The following MAF variants were observed in gnomAD, a reference collection of about 807,000 sequenced individuals.
The protein encoded by MAF is MAF bZIP transcription factor, also known as transcription factor Maf.
Under a neutral mutation model 22.0 loss-of-function variants are expected in MAF, and 10 were observed. The ratio of observed to expected loss-of-function variants is 0.45; its 90% CI spans 0.28 to 0.77. The LOEUF is 0.77. Ranked by LOEUF, MAF falls within the 30% of genes least tolerant of loss-of-function variation. MAF has a pLI of 0.12. For synonymous variants in MAF, 337 were observed against 255.8 expected (o/e 1.32, Z -3.03); for missense variants, 544 against 548.4 (o/e 0.99, Z 0.08).
chr16:79,313,430 T>C, the MAF span, among the ~76,000 whole-genome samples: 2 of 152,122 alleles, frequency 1.3e-5, no homozygotes, highest in African/African-American at 4.8e-5. Context: ...AGGTCCATGA[T>C]GTTGAGTTCC....
chr16:79,211,479 GCTATGCC>G, the MAF span: 1 of 1,193,754 alleles, frequency 8.4e-7, no homozygotes, highest in Non-Finnish European at 1.2e-6. Context: ...AGTACCCTTT[GCTATGCC>G]AAGATCCAGC....
At chr16:79,535,587 T>TTC in the MAF span, among the ~76,000 whole-genome samples, 70 of 5,858 alleles carry the variant, frequency 0.012, no homozygotes, top group Non-Finnish European at 0.031. Flanking sequence ...TTGCTTCTTC[T>TTC]TTTTTTTTTT....
chr16:79,290,108 C>T, the MAF span, among the ~76,000 whole-genome samples: 280 of 152,218 alleles, frequency 1.8e-3, 2 homozygotes, highest in Middle Eastern at 3.4e-3. Context: ...CCACCCACCT[C>T]GGCCTCCCAA....
the MAF span, among the ~76,000 whole-genome samples, chr16:79,494,548 A>G: frequency 4.3e-3 from 659 of 152,290 alleles, 3 homozygotes; most frequent in African/African-American, 0.015. Flanking sequence ...CAGAGAATCC[A>G]GGATAATCTC....
chr16:79,554,130 A>AACCAAC, the MAF span, among the ~76,000 whole-genome samples: 96 of 79,800 alleles, frequency 1.2e-3, 1 homozygote, highest in South Asian at 0.011. Flanking sequence ...AACAAACAAA[A>AACCAAC]CCACCAAACC....
chr16:79,513,045 T>C, the MAF span, among the ~76,000 whole-genome samples: 1 of 152,244 alleles, frequency 6.6e-6, no homozygotes, highest in Non-Finnish European at 1.5e-5. Context: ...CTTTTCCCAC[T>C]GTGCATAAAG....
the MAF span, among the ~76,000 whole-genome samples, chr16:79,304,082 T>C: frequency 6.6e-6 from 1 of 152,220 alleles, no homozygotes. Flanking sequence ...GGACCCAAGA[T>C]GCAATAACAA....
the MAF span, among the ~76,000 whole-genome samples, chr16:79,342,313 C>T: frequency 3.9e-5 from 6 of 152,184 alleles, no homozygotes; most frequent in South Asian, 2.1e-4. Flanking sequence ...TGCTCTCCAG[C>T]GTCTTTGGGG....
At chr16:79,381,009 C>T in the MAF span, among the ~76,000 whole-genome samples, 1 of 152,264 alleles carries the variant, frequency 6.6e-6, no homozygotes. Flanking sequence ...ATTAGAGCTG[C>T]ATCCTGGCAG....
At chr16:79,316,005 G>C in the MAF span, among the ~76,000 whole-genome samples, 2 of 152,222 alleles carry the variant, frequency 1.3e-5, no homozygotes, top group Non-Finnish European at 2.9e-5. Flanking sequence ...GCTGGTCCTT[G>C]CAAGGCAGAC....
chr16:79,319,106 T>G, the MAF span, among the ~76,000 whole-genome samples: 2 of 152,308 alleles, frequency 1.3e-5, no homozygotes, highest in African/African-American at 4.8e-5. Context: ...AGGCACACTT[T>G]CCCTAAATCC....
chr16:79,545,407 G>A, the MAF span, among the ~76,000 whole-genome samples: 1 of 152,110 alleles, frequency 6.6e-6, no homozygotes, highest in African/African-American at 2.4e-5. Context: ...AGAGATTCAA[G>A]GGGACAGCAG....
the MAF span, among the ~76,000 whole-genome samples, chr16:79,545,833 T>G: frequency 2.0e-5 from 3 of 152,152 alleles, no homozygotes; most frequent in African/African-American, 7.2e-5. Context: ...TTATACAACC[T>G]GGTCACTATA....
chr16:79,365,554 T>A, the MAF span, among the ~76,000 whole-genome samples: 1 of 149,358 alleles, frequency 6.7e-6, no homozygotes, highest in South Asian at 2.2e-4. Context: ...CTCTCGGAAA[T>A]GCTATTGGCC....
the MAF span, among the ~76,000 whole-genome samples, chr16:79,335,206 A>G: frequency 1.3e-5 from 2 of 151,772 alleles, no homozygotes; most frequent in Non-Finnish European, 2.9e-5. Context: ...AAAAGAAAGA[A>G]AAAGAACATA....
the MAF span, among the ~76,000 whole-genome samples, chr16:79,226,067 G>C: frequency 2.0e-5 from 3 of 152,094 alleles, no homozygotes; most frequent in Non-Finnish European, 4.4e-5. Context: ...CTACTATAAA[G>C]ACAAATGCAC....
chr16:79,314,340 T>C, the MAF span, among the ~76,000 whole-genome samples: 28 of 152,148 alleles, frequency 1.8e-4, no homozygotes, highest in African/African-American at 6.8e-4. Flanking sequence ...CTTTCATAAG[T>C]ACCCCAGGGC....
the MAF span, among the ~76,000 whole-genome samples, chr16:79,343,839 G>A: frequency 6.6e-6 from 1 of 152,248 alleles, no homozygotes; most frequent in East Asian, 1.9e-4. Context: ...ACCCCCCACG[G>A]TCCCCTGCAC....
the MAF span, among the ~76,000 whole-genome samples, chr16:79,487,012 G>A: frequency 5.9e-5 from 9 of 152,112 alleles, no homozygotes; most frequent in African/African-American, 7.2e-5. Context: ...TTTTGACTTG[G>A]TGGTCGAGGT....
Sources: gnomAD v4.1 joint callset for allele counts (sites outside exome capture counted in the v4.1 genomes callset) on GRCh38, gnomAD v4.1.1 for gene constraint, MANE v1.5 for transcripts, NCBI Gene and HGNC (gene_info 2026-07-23, HGNC 2026-07-21) for gene names.